The following PLCB1 variants were observed in gnomAD, a reference collection of about 807,000 sequenced individuals.
The protein encoded by PLCB1 is 1-phosphatidylinositol 4,5-bisphosphate phosphodiesterase beta-1.
PLCB1 carries 46 observed loss-of-function variants against 161.8 expected under a neutral mutation model. That is an observed-to-expected ratio of 0.28 (90% CI 0.22 to 0.36). PLCB1 has a LOEUF of 0.36. Among genes scored for constraint, PLCB1 ranks in the 10% least tolerant of loss-of-function variants. PLCB1 has a pLI of 1.00. For synonymous variants in PLCB1, 517 were observed against 503.7 expected, an observed-to-expected ratio of 1.03 and a Z score of -0.35; for missense variants, 1,016 against 1,472.5, an observed-to-expected ratio of 0.69 and a Z score of 5.07.
rs1228066069 is a variant in PLCB1, at chr20:8,638,626, C to T, written c.385-7476C>T. 6.6e-5 allele frequency among the ~76,000 whole-genome samples: 10 copies of T among 152,204 alleles called. No homozygotes were observed. The South Asian group carries it at 8.3e-4, about 13-fold the overall frequency. ...TAGTTGTCAAGAAACAGAACTAGGA[C>T]GTAGAAGTGATCATTGCCTTTCCAA... On this transcript the variant is annotated intron_variant, in intron 4 of 31. Transcript: ENST00000338037.
In PLCB1 at chr20:8,717,810, ACTC is replaced by A; in HGVS notation, c.1480_1482del (p.Ser495del). Reference sequence around the variant, plus strand: ...GAACAAGCCTCCAACACCTACAGTGACTCCTCCAGCATGTTCGAGCCCTCATCC... The same window carrying A: ...GAACAAGCCTCCAACACCTACAGTGACTCCAGCATGTTCGAGCCCTCATCC... On this transcript the variant is annotated inframe_deletion, in exon 14 of 32. Coordinates refer to ENST00000338037, the MANE Select transcript of PLCB1 (RefSeq NM_015192.4). 6.2e-7 allele frequency: 1 copy of A among 1,613,136 alleles called. No individual in the cohort carries two copies. Among genetic ancestry groups the A allele is most frequent in the East Asian group, 2.2e-5 (1 of 44,838 alleles).
chr20:8,292,519 G>T (rs1983432612), intron 2 of PLCB1, among the ~76,000 whole-genome samples: 1 of 152,108 alleles, frequency 6.6e-6, no homozygotes, highest in African/African-American at 2.4e-5. Flanking sequence ...TGCATAATCT[G>T]TACCTAACCT....
At chr20:8,287,791 G>C (rs918187714) in intron 2 of PLCB1, among the ~76,000 whole-genome samples, 4 of 152,104 alleles carry the variant, frequency 2.6e-5, no homozygotes, top group African/African-American at 9.7e-5. Context: ...TAAAGCTAAG[G>C]TCCATGGGGC....
chr20:8,462,686 C>G (rs747117091), intron 3 of PLCB1, among the ~76,000 whole-genome samples: 60 of 152,146 alleles, frequency 3.9e-4, no homozygotes, highest in Non-Finnish European at 4.4e-4. Flanking sequence ...TGTTAACAAT[C>G]TTCTGAGACT....
At chr20:8,828,178 C>T (rs939336776) in intron 31 of PLCB1, among the ~76,000 whole-genome samples, 4 of 152,244 alleles carry the variant, frequency 2.6e-5, no homozygotes, top group African/African-American at 7.2e-5. Flanking sequence ...GGGTTGAAAG[C>T]TCTGGAAACG....
intron 3 of PLCB1, among the ~76,000 whole-genome samples, chr20:8,515,671 G>C (rs1457563564): frequency 4.6e-5 from 7 of 152,142 alleles, no homozygotes; most frequent in Admixed American, 4.6e-4. Flanking sequence ...TTTGAGGGAG[G>C]CACAATATAA....
intron 3 of PLCB1, 195 bp downstream of exon 3, chr20:8,371,645 G>C: frequency 2.3e-6 from 1 of 427,088 alleles, no homozygotes; most frequent in East Asian, 3.5e-5. Context: ...CTTGGACAGA[G>C]GGGCTTGCTT....
At chr20:8,831,249 C>T (rs6056189) in intron 31 of PLCB1, 44,890 of 156,816 alleles carry the variant, frequency 0.29, 6,624 homozygotes, top group Middle Eastern at 0.4. Context: ...CATAGGGGAG[C>T]ACAGGGCTCT....
intron 26 of PLCB1, among the ~76,000 whole-genome samples, chr20:8,769,335 A>G (rs1982546136): frequency 1.3e-5 from 2 of 152,158 alleles, no homozygotes. Flanking sequence ...CGTTTAGAAG[A>G]CATAACTTTC....
At chr20:8,711,325 A>G (rs1226456443) in intron 12 of PLCB1, among the ~76,000 whole-genome samples, 6 of 152,222 alleles carry the variant, frequency 3.9e-5, no homozygotes, top group Non-Finnish European at 1.5e-5. Context: ...TAACCCTTAA[A>G]CACAAGATGT....
At chr20:8,257,155 A>G (rs529773683) in intron 2 of PLCB1, among the ~76,000 whole-genome samples, 2 of 152,286 alleles carry the variant, frequency 1.3e-5, no homozygotes, top group African/African-American at 2.4e-5. Context: ...CCTGGAGAAC[A>G]TAATTCCTAT....
chr20:8,180,014 A>G (rs1261895655), intron 2 of PLCB1, among the ~76,000 whole-genome samples: 1 of 150,772 alleles, frequency 6.6e-6, no homozygotes, highest in South Asian at 2.1e-4. Flanking sequence ...GCCCGCCACT[A>G]CGCCCGGCTA....
In PLCB1 at chr20:8,883,520, T is replaced by A. The variant is rs1302260818; in HGVS notation, c.*1671T>A. The A allele has an allele frequency of 6.6e-6, 1 of 152,134 alleles. No individual in the cohort carries two copies. Among genetic ancestry groups the A allele is most frequent in the Non-Finnish European group, 1.5e-5 (1 of 67,976 alleles). 9.4% of individuals were successfully genotyped at this position (152,134 alleles called of 1,614,324 possible). A position where few individuals can be genotyped will look rare whatever the true frequency, so the allele number is the denominator to read the frequency against. On this transcript the variant is annotated 3_prime_UTR_variant, in exon 32 of 32. Coordinates refer to ENST00000338037, the MANE Select transcript of PLCB1 (RefSeq NM_015192.4). ...TTACTTTAAAATAAACCTGTCTGAC[T>A]GTAGCTTTGTGAAATATCTTAAAAC...
At chr20:8,627,133 G>T (rs376875402) in intron 3 of PLCB1, among the ~76,000 whole-genome samples, 1 of 151,930 alleles carries the variant, frequency 6.6e-6, no homozygotes, top group African/African-American at 2.4e-5. Flanking sequence ...TTGAAATGGG[G>T]TTTTCTTTCT....
chr20:8,384,131 C>A (rs1371156037), intron 3 of PLCB1, among the ~76,000 whole-genome samples: 1 of 152,118 alleles, frequency 6.6e-6, no homozygotes, highest in Non-Finnish European at 1.5e-5. Flanking sequence ...AGCTTCTTTT[C>A]ATTCTCCTTG....
At chr20:8,429,142 G>A (rs1316892673) in intron 3 of PLCB1, among the ~76,000 whole-genome samples, 5 of 152,178 alleles carry the variant, frequency 3.3e-5, no homozygotes, top group Non-Finnish European at 7.4e-5. Context: ...GCTCGTGGGA[G>A]AAGTGACCCA....
At chr20:8,643,699 C>T (rs8121990) in intron 4 of PLCB1, among the ~76,000 whole-genome samples, 6,835 of 150,720 alleles carry the variant, frequency 0.045, 471 homozygotes, top group African/African-American at 0.16. Context: ...ACCATCCTGG[C>T]TAACATGGTG....
intron 2 of PLCB1, among the ~76,000 whole-genome samples, chr20:8,187,788 GAAAGCATGAAAAGTAGAT>G (rs2051921592): frequency 6.6e-6 from 1 of 152,058 alleles, no homozygotes; most frequent in Non-Finnish European, 1.5e-5. Context: ...TAGTAATACA[GAAAGCATGAAAAGTAGAT>G]AACTGAATCT....
At chr20:8,801,581 G>T (rs541609702) in intron 31 of PLCB1, among the ~76,000 whole-genome samples, 48 of 152,210 alleles carry the variant, frequency 3.2e-4, no homozygotes, top group African/African-American at 1.0e-3. Context: ...AATATTTTTT[G>T]AATGCATGAT....
Sources: gnomAD v4.1 joint callset for allele counts (sites outside exome capture counted in the v4.1 genomes callset) on GRCh38, gnomAD v4.1.1 for gene constraint, MANE v1.5 for transcripts, NCBI Gene and HGNC (gene_info 2026-07-23, HGNC 2026-07-21) for gene names.